The following EIF4G1 variants were observed in gnomAD, a reference collection of about 807,000 sequenced individuals.
EIF4G1 encodes the protein eukaryotic translation initiation factor 4 gamma 1.
Under a neutral mutation model 187.8 loss-of-function variants are expected in EIF4G1, and 4 were observed. The observed-to-expected ratio is 0.02, with a 90% CI of 0.01 to 0.05. EIF4G1 has a LOEUF of 0.05. EIF4G1 is among the 10% of genes least tolerant of loss of function. The probability of loss-of-function intolerance (pLI) is 1.00; values close to 1 mark genes in which losing one functional copy is unlikely to be tolerated. For missense variants in EIF4G1, 1,647 were observed against 2,081.1 expected (o/e 0.79, Z 4.06); for synonymous variants, 844 against 781.4 (o/e 1.08, Z -1.34).
At position 184,325,852 on chromosome 3, in the gene EIF4G1, C is replaced by T. The variant is rs775684766; in HGVS notation, c.3123C>T (p.Ser1041=). 4.3e-6 allele frequency: 7 copies of T among 1,614,058 alleles called. No individual in the cohort carries two copies. In the South Asian group the frequency reaches 7.7e-5, roughly 18 times the overall value. Residue 1041 remains serine, a splice_region_variant and synonymous_variant, in exon 21 of 33, where the codon AGC becomes AGT. Transcript: ENST00000346169. This position sits in a 1 kb window ranked among gnomAD's most constrained non-coding sequence, Gnocchi z 5.2. The part of the protein sequence containing the change: ...RRGGPPGPPI[S]RGLPLVDDGG... ...AGTATGCCCCTCTTTTTGTGTCAGG[C>T]CGTGGACTTCCCCTTGTGGATGATG...
At chr3:184,319,635 A>AT (rs1723500423) in intron 6 of EIF4G1, 54 bp from the exon 7 acceptor site, 1 of 1,174,876 alleles carries the variant, frequency 8.5e-7, no homozygotes, top group African/African-American at 1.5e-5. Flanking sequence ...AGGCATTAGT[A>AT]TATGGTTGGG....
rs879616713 is a variant in EIF4G1 at position 184,319,447 on chromosome 3, GTGTGTGTGTGTGTGTGTGTT to G, written c.425-224_425-205del. 0.053 allele frequency among the ~76,000 whole-genome samples: 4,581 copies of G among 86,204 alleles called. 162 individuals carry two copies. The highest frequency in any genetic ancestry group is 0.16 in the African/African-American group (2,987 of 18,582). 56.6% of individuals were successfully genotyped at this position (86,204 alleles called of 152,430 possible). On this transcript the variant is annotated intron_variant, in intron 6 of 32. Transcript: ENST00000346169. ...GAGGGGTGTGTGTGTGTGTGTGTGTGTGTGTGTGTGTGTGTGTGTTTGTGTGTGTGTGTGTGTTAGGAATT... is the reference window on the plus strand; with the variant it reads ...GAGGGGTGTGTGTGTGTGTGTGTGTGTGTGTGTGTGTGTGTGTTAGGAATT...
rs1265717468 is a variant in EIF4G1, at chr3:184,322,728, C to T, written c.1793C>T (p.Ser598Leu). ...GGGGAACAGAAGTATGAATATAAGT[C>T]AGGTATGCTGAAGAAAGGGTTGAGA... is the stretch of plus-strand genomic sequence containing the variant. ...QPGEQKYEYK[S>L]DQWKPLNLEE... The change falls in exon 12 of 33, where the codon TCA (serine) becomes TTA (leucine). Residue 598 changes from serine (S) to leucine (L), a missense_variant and splice_region_variant. Ser to Leu is a moderately radical substitution (Grantham distance 145). Transcript: ENST00000346169. 6.2e-7 allele frequency: 1 copy of T among 1,614,060 alleles called. No homozygotes were observed. Among genetic ancestry groups the T allele is most frequent in the Non-Finnish European group, 8.5e-7 (1 of 1,180,050 alleles).
chr3:184,324,074 G>A, intron 16 of EIF4G1, 97 bp downstream of exon 16: 2 of 1,604,628 alleles, frequency 1.2e-6, no homozygotes, highest in Non-Finnish European at 1.7e-6. Context: ...TCCAACTTGT[G>A]CCTCTTCCAG....
intron 3 of EIF4G1, 46 bp downstream of exon 3, chr3:184,315,902 C>T: frequency 6.6e-7 from 1 of 1,522,224 alleles, no homozygotes; most frequent in South Asian, 1.2e-5. Context: ...GGAGACCAGG[C>T]AGTCTCCAGC....
intron 21 of EIF4G1, 98 bp from the exon 22 acceptor site, chr3:184,326,429 A>G: frequency 2.4e-6 from 3 of 1,248,078 alleles, no homozygotes; most frequent in South Asian, 2.4e-5. Context: ...TGACCCCTGG[A>G]CTGGGCCATT....
At position 184,326,973 on chromosome 3, in the gene EIF4G1, G is replaced by C. The variant is rs754063701; in HGVS notation, c.3418G>C (p.Val1140Leu). Residue 1140 changes from valine to leucine, a missense_variant, in exon 23 of 33, where the codon GTG becomes CTG. By Grantham distance (32) the Val-to-Leu change is conservative. This residue lies in a region of EIF4G1 where 543 missense variants were observed against 638.0 expected (regional missense o/e 0.85). Transcript: ENST00000346169. ...CACAGAAAGCACAGATAATAGACGT[G>C]TGGTGCAGAGGTGAGGTTTCCTGGA... ...VPTESTDNRR[V>L]VQRSSLSRER... 1.2e-6 allele frequency: 2 copies of C among 1,614,262 alleles called. No individual in the cohort carries two copies. Among genetic ancestry groups the C allele is most frequent in the South Asian group, 2.2e-5 (2 of 91,090 alleles).
Position 184,315,823 on chromosome 3 carries a change from C to A in EIF4G1, c.27C>A (p.Gly9=). 6.4e-7 allele frequency: 1 copy of A among 1,550,430 alleles called. No individual in the cohort carries two copies. The highest frequency in any genetic ancestry group is 8.7e-7 in the Non-Finnish European group (1 of 1,146,020). MNKAPQST[G]PPPAPSPGLP... ...TGAACAAAGCTCCACAGTCCACAGGCCCCCCACCCGCCCCATCCCCCGGAC... is the reference window on the plus strand; with the variant it reads ...TGAACAAAGCTCCACAGTCCACAGGACCCCCACCCGCCCCATCCCCCGGAC... The change falls in exon 3 of 33, where the codon GGC becomes GGA. Residue 9 remains glycine (G), a synonymous_variant. Coordinates refer to ENST00000346169, the MANE Select transcript of EIF4G1 (RefSeq NM_198241.3).
In EIF4G1 at chr3:184,323,336, G is replaced by A. The variant is rs1577214069; in HGVS notation, c.2089-72G>A. 1.1e-5 allele frequency: 18 copies of A among 1,611,674 alleles called. No homozygotes were observed. In the Admixed American group the frequency reaches 1.5e-4, roughly 13 times the overall value. On this transcript the variant is annotated intron_variant, in intron 14 of 32. Transcript: ENST00000346169. The surrounding 1 kb of genome is among the most constrained non-coding windows in gnomAD (Gnocchi z 6.9). The stretch of plus-strand genomic sequence containing the variant: ...GCGGGGAGGGGTTTGCCCTGGAGGC[G>A]TGTAGTAGTGGTGTCACATATTGTG...
intron 9 of EIF4G1, 81 bp downstream of exon 9, chr3:184,321,074 A>ACT: frequency 6.4e-7 from 1 of 1,552,182 alleles, no homozygotes; most frequent in Non-Finnish European, 8.8e-7. Context: ...AGTGACTTGA[A>ACT]CTGGGTACCA....
At chr3:184,316,770 T>C in intron 4 of EIF4G1, 1 of 1,591,228 alleles carries the variant, frequency 6.3e-7, no homozygotes, top group Non-Finnish European at 8.5e-7. Context: ...AGTCTTCTGG[T>C]CTCATCCTTA....
chr3:184,315,934 T>C, intron 3 of EIF4G1, 78 bp downstream of exon 3: 1 of 1,450,392 alleles, frequency 6.9e-7, no homozygotes, highest in East Asian at 2.9e-5. Context: ...CCTACCCCCA[T>C]CTGTGTCAGG....
chr3:184,330,454 C>T (rs1284843648), intron 28 of EIF4G1, among the ~76,000 whole-genome samples: 1 of 152,086 alleles, frequency 6.6e-6, no homozygotes, highest in Admixed American at 6.5e-5. Flanking sequence ...GTTTTAAAAT[C>T]TGTGAACTGC....
chr3:184,331,083 T>C (rs996128995), intron 28 of EIF4G1, among the ~76,000 whole-genome samples, 183 bp from the exon 29 acceptor site: 1 of 152,244 alleles, frequency 6.6e-6, no homozygotes, highest in African/African-American at 2.4e-5. Flanking sequence ...GACTGACATC[T>C]GTGCCCTGCA....
In EIF4G1 at chr3:184,321,887, C is replaced by T; in HGVS notation, c.1303C>T (p.Pro435Ser). The T allele has an allele frequency of 6.2e-7, 1 of 1,614,136 alleles. No homozygotes were observed. The highest frequency in any genetic ancestry group is 1.1e-5 in the South Asian group (1 of 91,082). Residue 435 changes from proline (P) to serine (S), a missense_variant, in exon 10 of 33, where the codon CCC becomes TCC. This residue lies in a region of EIF4G1 where 522 missense variants were observed against 485.2 expected (regional missense o/e 1.08). Coordinates refer to ENST00000346169, the MANE Select transcript of EIF4G1 (RefSeq NM_198241.3). ...AKEVTASMAP[P>S]TIPSATPATA... Reference sequence around the variant, plus strand: ...GGAGGTGACAGCATCAATGGCGCCCCCCACCATCCCCTCTGCTACTCCAGC... The same window carrying T: ...GGAGGTGACAGCATCAATGGCGCCCTCCACCATCCCCTCTGCTACTCCAGC...
chr3:184,317,756 G>C lies in EIF4G1; in HGVS notation c.364G>C (p.Val122Leu). The change falls in exon 6 of 33, where the codon GTG becomes CTG. Residue 122 changes from valine to leucine, a missense_variant. Physicochemically the swap from Val to Leu is conservative, Grantham distance 32 (BLOSUM62 1). Transcript: ENST00000346169. ...TYVVPTQQYP[V>L]QPGAPGFYPG... is the part of the protein sequence containing the mutation. ...CGTTGTCCCGACACAGCAGTACCCT[G>C]TGCAGCCAGGAGCCCCAGGCTTCTA... The C allele has an allele frequency of 6.2e-7, 1 of 1,614,134 alleles. No individual in the cohort carries two copies. The highest frequency in any genetic ancestry group is 1.1e-5 in the South Asian group (1 of 91,084).
chr3:184,317,756 G>T lies in EIF4G1; in HGVS notation c.364G>T (p.Val122Leu), dbSNP rs775940503. The T allele has an allele frequency of 6.2e-7, 1 of 1,614,134 alleles. No individual in the cohort carries two copies. The highest frequency in any genetic ancestry group is 8.5e-7 in the Non-Finnish European group (1 of 1,180,036). ...TYVVPTQQYPVQPGAPGFYPG... is the reference protein window; with the variant it reads ...TYVVPTQQYPLQPGAPGFYPG... Reference sequence around the variant, plus strand: ...CGTTGTCCCGACACAGCAGTACCCTGTGCAGCCAGGAGCCCCAGGCTTCTA... The same window carrying T: ...CGTTGTCCCGACACAGCAGTACCCTTTGCAGCCAGGAGCCCCAGGCTTCTA... The change falls in exon 6 of 33, where the codon GTG becomes TTG. Residue 122 changes from valine to leucine, a missense_variant. Physicochemically the swap from Val to Leu is conservative, Grantham distance 32 (BLOSUM62 1). Around this residue, in one of 11 missense-constraint regions of EIF4G1, gnomAD observed 139 missense variants for 187.3 expected, o/e 0.74. Transcript: ENST00000346169.
chr3:184,324,126 A>G (rs1054418643), intron 16 of EIF4G1, 75 bp from the exon 17 acceptor site: 5 of 1,607,834 alleles, frequency 3.1e-6, no homozygotes, highest in African/African-American at 2.7e-5. Flanking sequence ...TTCCTGGGTC[A>G]GGTAGTTAAA....
intron 32 of EIF4G1, among the ~76,000 whole-genome samples, chr3:184,333,295 G>A (rs750273726): frequency 6.6e-6 from 1 of 152,152 alleles, no homozygotes; most frequent in Non-Finnish European, 1.5e-5. Context: ...TAAGGGAATC[G>A]AGATGTCAGC....
Sources: gnomAD v4.1 joint callset for allele counts (sites outside exome capture counted in the v4.1 genomes callset) on GRCh38, gnomAD v4.1.1 for gene constraint, gnomAD v4.1.1 regional missense constraint, Gnocchi (gnomAD v3.1) non-coding constraint, MANE v1.5 for transcripts, NCBI Gene and HGNC (gene_info 2026-07-23, HGNC 2026-07-21) for gene names.